Variants in ATP1A3 observed in about 807,000 individuals in gnomAD.
ATP1A3 encodes the protein sodium/potassium-transporting ATPase subunit alpha-3.
A neutral mutation model predicts 108.8 loss-of-function variants in ATP1A3; 12 were observed. That is an observed-to-expected ratio of 0.11 (90% CI 0.07 to 0.18). ATP1A3 has a LOEUF of 0.18. ATP1A3 is among the 10% of genes least tolerant of loss of function. The pLI is 1.00. For missense variants in ATP1A3, 498 were observed against 1,387.7 expected (o/e 0.36, Z 10.19); for synonymous variants, 539 against 564.5 (o/e 0.95, Z 0.64).
At chr19:41,974,634 G>T (rs1329513950) in intron 16 of ATP1A3, among the ~76,000 whole-genome samples, 2 of 152,192 alleles carry the variant, frequency 1.3e-5, no homozygotes, top group Non-Finnish European at 2.9e-5. Context: ...GAGAGAAATT[G>T]GAAGAAAATC....
chr19:41,988,092 A>T lies in ATP1A3; in HGVS notation c.201T>A (p.Pro67=), dbSNP rs782752541. 1.2e-6 allele frequency: 2 copies of T among 1,614,140 alleles called. No individual in the cohort carries two copies. Among genetic ancestry groups the T allele is most frequent in the Admixed American group, 3.3e-5 (2 of 60,022 alleles). The change falls in exon 4 of 23, where the codon CCT becomes CCA. Residue 67 remains proline, a synonymous_variant. Transcript: ENST00000648268. This position sits in a 1 kb window ranked among gnomAD's most constrained non-coding sequence, Gnocchi z 5.3. ...KAQEILARDG[P]NALTPPPTTP... ...TGGTAGGCGGTGGCGTGAGTGCGTT[A>T]GGCCCATCCCGGGCCAGGATCTCCT...
chr19:41,993,603 C>G, intron 1 of ATP1A3: 1 of 955,874 alleles, frequency 1.0e-6, no homozygotes, highest in Non-Finnish European at 1.5e-6. Context: ...CATCTGGTGT[C>G]CATCCCACAA....
At chr19:41,974,605 A>G (rs2075146579) in intron 16 of ATP1A3, among the ~76,000 whole-genome samples, 1 of 152,242 alleles carries the variant, frequency 6.6e-6, no homozygotes, top group Admixed American at 6.5e-5. Flanking sequence ...TTTTTACACC[A>G]GAGACATTTC....
At chr19:41,972,107 GGGC>G in intron 16 of ATP1A3, among the ~76,000 whole-genome samples, 1 of 152,040 alleles carries the variant, frequency 6.6e-6, no homozygotes, top group African/African-American at 2.4e-5. Flanking sequence ...AAAATTAGCT[GGGC>G]GTGGTGGTGG....
In ATP1A3 at chr19:41,985,280, G is replaced by T; in HGVS notation, c.724+26C>A. On this transcript the variant is annotated intron_variant, in intron 7 of 22. Coordinates refer to ENST00000648268, the MANE Select transcript of ATP1A3 (RefSeq NM_152296.5). The surrounding 1 kb of genome is among the most constrained non-coding windows in gnomAD (Gnocchi z 8.2). ...ACACATCCCTGTGTCTGCCCCAGCT[G>T]TGTGTCTTCTCTGCACCCGCCTCAC... 6.2e-7 allele frequency: 1 copy of T among 1,613,894 alleles called. No individual in the cohort carries two copies. Among genetic ancestry groups the T allele is most frequent in the African/African-American group, 1.3e-5 (1 of 75,034 alleles).
intron 14 of ATP1A3, 125 bp from the exon 15 acceptor site, chr19:41,976,691 G>C: frequency 7.3e-7 from 1 of 1,366,724 alleles, no homozygotes; most frequent in Non-Finnish European, 1.0e-6. Context: ...ACCAGGGGCT[G>C]GGGGAAGAGG....
At chr19:41,986,430 T>C (rs1341538798) in intron 4 of ATP1A3, 1 of 525,008 alleles carries the variant, frequency 1.9e-6, no homozygotes, top group African/African-American at 1.9e-5. Flanking sequence ...ATGGTTGTGT[T>C]TGAATCTAAG....
In ATP1A3 at chr19:41,970,767, C is replaced by G. The variant is rs183183109; in HGVS notation, c.2264-225G>C. ...CTGCCTCAGCCTCCCGAGTAGCTGG[C>G]ACTACAGGCACCTGCCACCACGCCC... On this transcript the variant is annotated intron_variant, in intron 16 of 22. Coordinates refer to ENST00000648268, the MANE Select transcript of ATP1A3 (RefSeq NM_152296.5). Among the ~76,000 whole-genome samples the G allele has an allele frequency of 7.1e-3, 1,070 of 150,706 alleles. 26 individuals carry two copies. The highest frequency in any genetic ancestry group is 0.068 in the East Asian group (342 of 5,058).
chr19:41,974,951 C>T (rs1226734291), intron 16 of ATP1A3, among the ~76,000 whole-genome samples: 2 of 152,238 alleles, frequency 1.3e-5, no homozygotes, highest in Non-Finnish European at 2.9e-5. Context: ...TGACTTGGCT[C>T]AGCCATCCCT....
chr19:41,991,367 G>A (rs2075336865), intron 1 of ATP1A3, among the ~76,000 whole-genome samples: 1 of 152,170 alleles, frequency 6.6e-6, no homozygotes, highest in Non-Finnish European at 1.5e-5. Flanking sequence ...GGGGGTGGGA[G>A]GGAGGCTTGG....
intron 16 of ATP1A3, among the ~76,000 whole-genome samples, chr19:41,972,870 G>GC (rs1568856433): frequency 0.017 from 2,276 of 136,958 alleles, 140 homozygotes; most frequent in African/African-American, 0.058. Flanking sequence ...AAGAAGGAAG[G>GC]AAGGCAGGCA....
At chr19:41,972,964 G>T (rs1490599484) in intron 16 of ATP1A3, among the ~76,000 whole-genome samples, 1 of 152,152 alleles carries the variant, frequency 6.6e-6, no homozygotes, top group Admixed American at 6.6e-5. Context: ...TTCTTTGATT[G>T]CTTTGATGTC....
Position 41,967,443 on chromosome 19 carries a change from C to T in ATP1A3, c.2922-103G>A, listed in dbSNP as rs1193691531. On this transcript the variant is annotated intron_variant, in intron 21 of 22. Transcript: ENST00000648268. This position sits in a 1 kb window ranked among gnomAD's most constrained non-coding sequence, Gnocchi z 4.2. Reference sequence around the variant, plus strand: ...AGAGGGGCAGTCTCCCAGGATCCTTCGTGCTCACAGGTGGAGGGTGCCCTG... The same window carrying T: ...AGAGGGGCAGTCTCCCAGGATCCTTTGTGCTCACAGGTGGAGGGTGCCCTG... The T allele has an allele frequency of 5.1e-6, 7 of 1,384,368 alleles. No individual in the cohort carries two copies. The highest frequency in any genetic ancestry group is 2.4e-5 in the East Asian group (1 of 41,080). The allele number at this position is 1,384,368 out of a possible 1,614,324, so 85.8% of individuals were successfully genotyped here.
At chr19:41,976,219 C>G (rs2075167512) in intron 15 of ATP1A3, among the ~76,000 whole-genome samples, 197 bp downstream of exon 15, 1 of 149,922 alleles carries the variant, frequency 6.7e-6, no homozygotes, top group African/African-American at 2.5e-5. Flanking sequence ...GGCCCCCTCC[C>G]TCAGACCCAA....
intron 15 of ATP1A3, among the ~76,000 whole-genome samples, chr19:41,976,121 G>C (rs1453879451): frequency 9.0e-6 from 1 of 110,794 alleles, no homozygotes; most frequent in Non-Finnish European, 1.8e-5. Flanking sequence ...TCCTCCCTCA[G>C]ACCCAAGGGT....
At chr19:41,989,486 T>C (rs2075316451) in intron 1 of ATP1A3, among the ~76,000 whole-genome samples, 1 of 152,002 alleles carries the variant, frequency 6.6e-6, no homozygotes, top group African/African-American at 2.4e-5. Flanking sequence ...GCCCGGCTCA[T>C]TTTTTTGTAT....
chr19:41,992,660 A>G (rs934229523), intron 1 of ATP1A3, among the ~76,000 whole-genome samples: 4 of 149,828 alleles, frequency 2.7e-5, no homozygotes, highest in Admixed American at 2.0e-4. Context: ...TTCTCTCTCA[A>G]TGTCTCTCCA....
At chr19:41,976,698 G>A in intron 14 of ATP1A3, 132 bp from the exon 15 acceptor site, 1 of 1,320,960 alleles carries the variant, frequency 7.6e-7, no homozygotes, top group South Asian at 1.3e-5. Context: ...GCTGGGGGAA[G>A]AGGCCTCTGG....
Position 41,978,790 on chromosome 19 carries a change from G to A in ATP1A3, c.1446C>T (p.Ile482=). The A allele has an allele frequency of 6.2e-7, 1 of 1,613,900 alleles. No homozygotes were observed. The highest frequency in any genetic ancestry group is 8.5e-7 in the Non-Finnish European group (1 of 1,179,928). ...FNSTNKYQLS[I]HETEDPNDNR... is the part of the protein sequence containing the mutation. ...TGTCGTTGGGGTCCTCGGTCTCATG[G>A]ATGGAGAGCTGGGGACCGATCAGAG... is the stretch of plus-strand genomic sequence containing the variant. The change falls in exon 12 of 23, where the codon ATC becomes ATT. Residue 482 remains isoleucine, a synonymous_variant. Transcript: ENST00000648268. The surrounding 1 kb of genome is among the most constrained non-coding windows in gnomAD (Gnocchi z 8.3).
Sources: allele counts gnomAD v4.1 joint callset (sites outside exome capture counted in the v4.1 genomes callset), GRCh38; gene constraint gnomAD v4.1.1; non-coding constraint Gnocchi (gnomAD v3.1); transcripts MANE v1.5; gene names NCBI Gene and HGNC (gene_info 2026-07-23, HGNC 2026-07-21).